Variants in ATP2A3 observed in about 807,000 individuals in gnomAD.
ATP2A3 encodes ATPase sarcoplasmic/endoplasmic reticulum Ca2+ transporting 3.
Under a neutral mutation model 106.8 loss-of-function variants are expected in ATP2A3, and 61 were observed. The ratio of observed to expected loss-of-function variants is 0.57; its 90% CI spans 0.46 to 0.71. The LOEUF is 0.71. Ranked by LOEUF, ATP2A3 falls within the 30% of genes least tolerant of loss-of-function variation. The pLI, the probability that ATP2A3 is intolerant of heterozygous loss-of-function variation, is 0.00. For missense variants in ATP2A3, 1,201 were observed against 1,423.5 expected, an observed-to-expected ratio of 0.84 and a Z score of 2.52; for synonymous variants, 611 against 609.3, an observed-to-expected ratio of 1.00 and a Z score of -0.04.
At chr17:3,940,923 G>C (rs111448377) in intron 14 of ATP2A3, 48 bp downstream of exon 14, 1 of 1,603,328 alleles carries the variant, frequency 6.2e-7, no homozygotes, top group African/African-American at 1.3e-5. Flanking sequence ...TTCACACCCC[G>C]TGGCCCCACT....
At position 3,950,439 on chromosome 17, in the gene ATP2A3, C is replaced by T. The variant is rs1048123393; in HGVS notation, c.630+72G>A. ...TCAGCCTCCCAAAGTGCTGGGATTA[C>T]AGGCGTGATCATAATCCTAATGTTG... On this transcript the variant is annotated intron_variant, in intron 7 of 20. Coordinates refer to ENST00000397041, the MANE Select transcript of ATP2A3 (RefSeq NM_005173.4). The T allele has an allele frequency of 1.4e-4, 209 of 1,524,142 alleles. 2 individuals are homozygous for T. The South Asian group carries it at 1.8e-3, about 13-fold the overall frequency. The allele number at this position is 1,524,142 out of a possible 1,614,324, so 94.4% of individuals were successfully genotyped here.
At chr17:3,939,786 TAAAAAAAAAAAA>T (rs71381543) in intron 14 of ATP2A3, among the ~76,000 whole-genome samples, 2 of 50,492 alleles carry the variant, frequency 4.0e-5, no homozygotes, top group Admixed American at 5.8e-4. Context: ...AGACTCTGTC[TAAAAAAAAAAAA>T]AAAAAAAAAA....
intron 14 of ATP2A3, among the ~76,000 whole-genome samples, chr17:3,938,909 TG>T (rs1257169437): frequency 6.6e-6 from 1 of 152,082 alleles, no homozygotes; most frequent in East Asian, 1.9e-4. Context: ...GGCCCACACT[TG>T]TAATCCTAGC....
chr17:3,954,399 C>A (rs1187421996), intron 1 of ATP2A3, among the ~76,000 whole-genome samples: 2 of 151,712 alleles, frequency 1.3e-5, no homozygotes, highest in African/African-American at 4.8e-5. Flanking sequence ...CAGTGAAGAC[C>A]CCCCAGCCCC....
intron 1 of ATP2A3, among the ~76,000 whole-genome samples, chr17:3,961,904 G>C (rs528615045): frequency 6.6e-6 from 1 of 152,306 alleles, no homozygotes; most frequent in Non-Finnish European, 1.5e-5. Flanking sequence ...TGAAGGGGCA[G>C]GGCTAGGGTT....
chr17:3,927,346 G>A (rs997805678), intron 20 of ATP2A3: 11 of 985,362 alleles, frequency 1.1e-5, no homozygotes, highest in Admixed American at 6.1e-5. Context: ...AAAATCTGCT[G>A]AGCTCCTAGG....
chr17:3,952,973 C>A (rs1304949685), intron 3 of ATP2A3, among the ~76,000 whole-genome samples: 1 of 152,138 alleles, frequency 6.6e-6, no homozygotes, highest in Middle Eastern at 3.2e-3. Flanking sequence ...TGCTGAACAT[C>A]CTACAGTGGA....
chr17:3,944,728 G>A lies in ATP2A3; in HGVS notation c.1263C>T (p.Asn421=), dbSNP rs1421422932. 1.2e-6 allele frequency: 2 copies of A among 1,613,396 alleles called. No homozygotes were observed. Among genetic ancestry groups the A allele is most frequent in the East Asian group, 2.2e-5 (1 of 44,874 alleles). ...VELATICALC[N]DSALDYNEAK... ...CCTCGTTGTAGTCCAGAGCCGAGTC[G>A]TTGCACAGGGCGCAGATGGTCGCCA... The change falls in exon 10 of 21, where the codon AAC becomes AAT. Residue 421 remains asparagine (N), a synonymous_variant. Coordinates refer to ENST00000397041, the MANE Select transcript of ATP2A3 (RefSeq NM_005173.4).
Position 3,947,372 on chromosome 17 carries a change from C to G in ATP2A3, c.1095+19G>C. ...CCTGCTCTGCAACGCACAGCAACAC[C>G]AAGCTGGCCGTCACTCACCCGGCAG... On this transcript the variant is annotated intron_variant, in intron 8 of 20. Coordinates refer to ENST00000397041, the MANE Select transcript of ATP2A3 (RefSeq NM_005173.4). This position sits in a 1 kb window ranked among gnomAD's most constrained non-coding sequence, Gnocchi z 7.7. The G allele has an allele frequency of 6.2e-7, 1 of 1,613,586 alleles. No homozygotes were observed. The highest frequency in any genetic ancestry group is 1.1e-5 in the South Asian group (1 of 91,084).
At position 3,941,458 on chromosome 17, in the gene ATP2A3, C is replaced by T. The variant is rs768490217; in HGVS notation, c.1742G>A (p.Cys581Tyr). ...PRKEDMELDD[C>Y]SKFVQYETDL... ...CACCTCGTACTGCACAAACTTGCTG[C>T]AGTCGTCCAGCTCCATGTCCTCCTT... The change falls in exon 13 of 21, where the codon TGC becomes TAC. Residue 581 changes from cysteine (C) to tyrosine (Y), a missense_variant. Physicochemically the swap from Cys to Tyr is radical, Grantham distance 194. Around this residue, in one of 2 missense-constraint regions of ATP2A3, gnomAD observed 935 missense variants for 1,176.7 expected, o/e 0.79. Transcript: ENST00000397041. The T allele has an allele frequency of 2.5e-6, 4 of 1,614,114 alleles. No homozygotes were observed. Among genetic ancestry groups the T allele is most frequent in the Non-Finnish European group, 1.7e-6 (2 of 1,180,040 alleles).
chr17:3,964,310 T>G lies in ATP2A3; in HGVS notation c.-19A>C, dbSNP rs1331735720. 1.6e-6 allele frequency: 2 copies of G among 1,219,284 alleles called. No individual in the cohort carries two copies. Among genetic ancestry groups the G allele is most frequent in the African/African-American group, 1.6e-5 (1 of 60,900 alleles). 75.5% of individuals were successfully genotyped at this position (1,219,284 alleles called of 1,614,324 possible). ...CCTCCATGCCGCCCGCCCGGCCGTCTGCGCCGTCCGCACCGTCGAGGCCGC... is the reference window on the plus strand; with the variant it reads ...CCTCCATGCCGCCCGCCCGGCCGTCGGCGCCGTCCGCACCGTCGAGGCCGC... On this transcript the variant is annotated 5_prime_UTR_variant, in exon 1 of 21. Transcript: ENST00000397041.
intron 17 of ATP2A3, among the ~76,000 whole-genome samples, chr17:3,933,791 A>C (rs761998078): frequency 5.3e-5 from 8 of 151,640 alleles, no homozygotes; most frequent in Non-Finnish European, 8.8e-5. Flanking sequence ...CCTCACAGGC[A>C]CATGGGGAAG....
chr17:3,940,828 T>G, intron 14 of ATP2A3, 143 bp downstream of exon 14: 1 of 1,112,030 alleles, frequency 9.0e-7, no homozygotes, highest in Non-Finnish European at 1.3e-6. Context: ...TTATTTAAAT[T>G]TCTTTTTGTA....
In ATP2A3 at chr17:3,930,445, C is replaced by T. The variant is rs759760922; in HGVS notation, c.2611-11G>A. 7.4e-6 allele frequency: 12 copies of T among 1,613,474 alleles called. No individual in the cohort carries two copies. Among genetic ancestry groups the T allele is most frequent in the South Asian group, 1.1e-5 (1 of 91,066 alleles). On this transcript the variant is annotated splice_polypyrimidine_tract_variant and intron_variant, in intron 17 of 20. Coordinates refer to ENST00000397041, the MANE Select transcript of ATP2A3 (RefSeq NM_005173.4). The surrounding 1 kb of genome is among the most constrained non-coding windows in gnomAD (Gnocchi z 5.4). ...CTTCAGGAAGTTCCTCTGGGGGCAC[C>T]GTGGCAGGTCAGAGAGAGCGGCAGG...
rs1288201968 is a variant in ATP2A3, at chr17:3,933,929, TTTTTTC to T, written c.2610+1257_2610+1262del. Among the ~76,000 whole-genome samples the T allele has an allele frequency of 4.9e-5, 7 of 144,222 alleles. 1 individual carries two copies. Among genetic ancestry groups the T allele is most frequent in the African/African-American group, 1.6e-4 (6 of 36,916 alleles). The allele number at this position is 144,222 out of a possible 152,430, so 94.6% of individuals were successfully genotyped here. Reference sequence around the variant, plus strand: ...TTGGTTTGGTTTTCTTTTCTTTTCTTTTTTTCTTTTTTGAGACTGCGTCTTGCTCTG... The same window carrying T: ...TTGGTTTGGTTTTCTTTTCTTTTCTTTTTTTTGAGACTGCGTCTTGCTCTG... On this transcript the variant is annotated intron_variant, in intron 17 of 20. Transcript: ENST00000397041.
At chr17:3,951,050 G>C (rs2054390932) in intron 5 of ATP2A3, among the ~76,000 whole-genome samples, 1 of 152,018 alleles carries the variant, frequency 6.6e-6, no homozygotes, top group Non-Finnish European at 1.5e-5. Context: ...CATAATAAAA[G>C]GAGGAGGCCC....
In ATP2A3 at chr17:3,953,828, G is replaced by T; in HGVS notation, c.119-118C>A. 9.1e-7 allele frequency: 1 copy of T among 1,098,782 alleles called. No individual in the cohort carries two copies. The highest frequency in any genetic ancestry group is 2.6e-5 in the East Asian group (1 of 38,808). 68.1% of individuals were successfully genotyped at this position (1,098,782 alleles called of 1,614,324 possible). A position where few individuals can be genotyped will look rare whatever the true frequency, so the allele number is the denominator to read the frequency against. ...CCGTGCCCGCCCAGACCCCCACCAC[G>T]GACTGGATGTATCCCCAGGGCTCTC... is the stretch of plus-strand genomic sequence containing the variant. On this transcript the variant is annotated intron_variant, in intron 1 of 20. Transcript: ENST00000397041. This position sits in a 1 kb window ranked among gnomAD's most constrained non-coding sequence, Gnocchi z 5.1.
At chr17:3,957,563 A>G (rs547783138) in intron 1 of ATP2A3, among the ~76,000 whole-genome samples, 2 of 152,184 alleles carry the variant, frequency 1.3e-5, no homozygotes, top group African/African-American at 2.4e-5. Flanking sequence ...GGGGTTTACG[A>G]GGCTCTGCCT....
chr17:3,944,785 C>A lies in ATP2A3; in HGVS notation c.1206G>T (p.Val402=), dbSNP rs746553987. 4.0e-5 allele frequency: 65 copies of A among 1,611,976 alleles called. No homozygotes were observed. The highest frequency in any genetic ancestry group is 8.4e-5 in the Admixed American group (5 of 59,836). Residue 402 remains valine, a synonymous_variant, in exon 10 of 21, where the codon GTG becomes GTT. Transcript: ENST00000397041. ...EGEVRQGDQP[V]RCGQFDGLVE... is the part of the protein sequence containing the mutation. Reference sequence around the variant, plus strand: ...CCAGCCCGTCGAACTGGCCGCAGCGCACAGGCTGATCCCCCTGCCGCCTGC... The same window carrying A: ...CCAGCCCGTCGAACTGGCCGCAGCGAACAGGCTGATCCCCCTGCCGCCTGC...
Sources: gnomAD v4.1 joint callset for allele counts (sites outside exome capture counted in the v4.1 genomes callset) on GRCh38, gnomAD v4.1.1 for gene constraint, gnomAD v4.1.1 regional missense constraint, Gnocchi (gnomAD v3.1) non-coding constraint, MANE v1.5 for transcripts, NCBI Gene and HGNC (gene_info 2026-07-23, HGNC 2026-07-21) for gene names.